The following ROR2 variants were observed in gnomAD, a reference collection of about 807,000 sequenced individuals.
The protein encoded by ROR2 is ROR family WNT receptor 2.
Under a neutral mutation model 74.9 loss-of-function variants are expected in ROR2, and 33 were observed. That is an observed-to-expected ratio of 0.44 (90% CI 0.33 to 0.59). The LOEUF is 0.59. Ranked by LOEUF, ROR2 falls within the 20% of genes least tolerant of loss-of-function variation. ROR2 has a pLI of 0.02. For synonymous variants in ROR2, 586 were observed against 558.7 expected, an observed-to-expected ratio of 1.05 and a Z score of -0.69; for missense variants, 1,216 against 1,313.8, an observed-to-expected ratio of 0.93 and a Z score of 1.15.
chr9:91,825,790 C>T lies in ROR2; in HGVS notation c.98-49972G>A, dbSNP rs535555332. 5.3e-5 allele frequency among the ~76,000 whole-genome samples: 8 copies of T among 152,194 alleles called. No homozygotes were observed. The South Asian group carries it at 1.7e-3, about 32-fold the overall frequency. On this transcript the variant is annotated intron_variant, in intron 1 of 8. Coordinates refer to ENST00000375708, the MANE Select transcript of ROR2 (RefSeq NM_004560.4). ...GTAGGATGGACTGTGGAGGACAAGC[C>T]TCAATTTAGCAAAGCCACAGAAGAA...
chr9:91,847,861 C>T (rs918802519), intron 1 of ROR2, among the ~76,000 whole-genome samples: 61 of 152,020 alleles, frequency 4.0e-4, no homozygotes, highest in African/African-American at 1.4e-3. Flanking sequence ...CAGGAAACAC[C>T]CACGCAGACT....
chr9:91,834,053 C>T (rs562285331), intron 1 of ROR2, among the ~76,000 whole-genome samples: 3 of 152,278 alleles, frequency 2.0e-5, no homozygotes, highest in Admixed American at 6.5e-5. Flanking sequence ...AAGCTCATTC[C>T]GGCTTTTGTT....
At chr9:91,777,395 A>G (rs998583327) in intron 1 of ROR2, among the ~76,000 whole-genome samples, 3 of 150,462 alleles carry the variant, frequency 2.0e-5, no homozygotes, top group Non-Finnish European at 3.0e-5. Flanking sequence ...ACTGCCACAC[A>G]CACACACACA....
In ROR2 at chr9:91,722,630, G is replaced by A. The variant is rs1438300828; in HGVS notation, c.*1032C>T. ...TTGTTTCACTTTATTGGATACACCGGGTGTGGGATTTACAAATAGGACCAA... is the reference window on the plus strand; with the variant it reads ...TTGTTTCACTTTATTGGATACACCGAGTGTGGGATTTACAAATAGGACCAA... On this transcript the variant is annotated 3_prime_UTR_variant, in exon 9 of 9. Coordinates refer to ENST00000375708, the MANE Select transcript of ROR2 (RefSeq NM_004560.4). 1 of 779,848 alleles carries A rather than the reference G, an allele frequency of 1.3e-6. No homozygotes were observed. Among genetic ancestry groups the A allele is most frequent in the Admixed American group, 1.7e-5 (1 of 59,048 alleles). The allele number at this position is 779,848 out of a possible 1,614,324, so 48.3% of individuals were successfully genotyped here. A position where few individuals can be genotyped will look rare whatever the true frequency, so the allele number is the denominator to read the frequency against.
At chr9:91,778,649 G>A (rs1343985606) in intron 1 of ROR2, among the ~76,000 whole-genome samples, 2 of 152,152 alleles carry the variant, frequency 1.3e-5, no homozygotes, top group East Asian at 1.9e-4. Flanking sequence ...TCCTGAATAT[G>A]AGGACACTAC....
At chr9:91,739,406 C>A in intron 4 of ROR2, among the ~76,000 whole-genome samples, 1 of 150,684 alleles carries the variant, frequency 6.6e-6, no homozygotes, top group Non-Finnish European at 1.5e-5. Flanking sequence ...ACTCAGGAGG[C>A]TGAAGTGGGA....
At chr9:91,746,563 CGGTGCCTTCGAATCATCCACTTGGCGAGA>C (rs947324913) in intron 4 of ROR2, among the ~76,000 whole-genome samples, 2 of 152,128 alleles carry the variant, frequency 1.3e-5, no homozygotes, top group African/African-American at 4.8e-5. Flanking sequence ...ACTTGGCGAG[CGGTGCCTTCGAATCATCCACTTGGCGAGA>C]GGTGCCTTCA....
intron 2 of ROR2, among the ~76,000 whole-genome samples, chr9:91,761,294 T>C (rs1293840919): frequency 6.6e-6 from 1 of 152,162 alleles, no homozygotes; most frequent in East Asian, 1.9e-4. Flanking sequence ...GTAGGGGCCT[T>C]GGTTTGGGGA....
intron 1 of ROR2, among the ~76,000 whole-genome samples, chr9:91,908,188 A>C (rs897774666): frequency 6.6e-6 from 1 of 152,192 alleles, no homozygotes; most frequent in Non-Finnish European, 1.5e-5. Flanking sequence ...TCTTGGTCAC[A>C]TGGTGAGTGG....
At chr9:91,794,776 G>C (rs890617354) in intron 1 of ROR2, among the ~76,000 whole-genome samples, 7 of 151,830 alleles carry the variant, frequency 4.6e-5, no homozygotes, top group African/African-American at 1.7e-4. Flanking sequence ...AATTCACCTT[G>C]GAAATTCTGA....
chr9:91,756,328 T>C (rs1282060390), intron 3 of ROR2, among the ~76,000 whole-genome samples: 2 of 152,224 alleles, frequency 1.3e-5, no homozygotes, highest in Non-Finnish European at 2.9e-5. Context: ...GAGTTTTTGC[T>C]GTCCTTACTC....
intron 1 of ROR2, among the ~76,000 whole-genome samples, chr9:91,896,696 G>A (rs1830546237): frequency 6.6e-6 from 1 of 152,026 alleles, no homozygotes; most frequent in Non-Finnish European, 1.5e-5. Context: ...TCACATGTAT[G>A]TTGTAATCCC....
At chr9:91,750,865 T>C (rs973875093) in intron 4 of ROR2, among the ~76,000 whole-genome samples, 6 of 152,232 alleles carry the variant, frequency 3.9e-5, no homozygotes, top group African/African-American at 7.2e-5. Context: ...CAATGGCTTT[T>C]AGAACGACAA....
intron 1 of ROR2, among the ~76,000 whole-genome samples, chr9:91,893,504 C>T (rs2119404476): frequency 6.6e-6 from 1 of 152,248 alleles, no homozygotes; most frequent in Admixed American, 6.5e-5. Context: ...CACACCCCTC[C>T]ACTGGGGGAC....
chr9:91,896,379 T>G (rs957307403), intron 1 of ROR2, among the ~76,000 whole-genome samples: 1 of 152,222 alleles, frequency 6.6e-6, no homozygotes, highest in Admixed American at 6.5e-5. Flanking sequence ...AACACCACTT[T>G]AAAAACAACA....
intron 1 of ROR2, among the ~76,000 whole-genome samples, chr9:91,897,489 G>A (rs1830564152): frequency 6.6e-6 from 1 of 151,984 alleles, no homozygotes; most frequent in Admixed American, 6.6e-5. Context: ...AACCTTCCAT[G>A]GCTTTAGGAA....
At chr9:91,946,843 A>G (rs565126696) in intron 1 of ROR2, among the ~76,000 whole-genome samples, 1 of 152,288 alleles carries the variant, frequency 6.6e-6, no homozygotes, top group East Asian at 1.9e-4. Context: ...TCTAAAGGGG[A>G]TTAATCTTCC....
intron 2 of ROR2, among the ~76,000 whole-genome samples, chr9:91,773,011 T>C (rs1826286755): frequency 6.6e-6 from 1 of 152,182 alleles, no homozygotes; most frequent in Admixed American, 6.5e-5. Context: ...GATAAGCAAA[T>C]GCATCTTCCT....
chr9:91,790,254 C>A (rs1255645269), intron 1 of ROR2, among the ~76,000 whole-genome samples: 2 of 151,840 alleles, frequency 1.3e-5, no homozygotes, highest in Non-Finnish European at 2.9e-5. Context: ...GTAATCCCAG[C>A]ACTTTGGGAG....
Sources: gnomAD v4.1 joint callset for allele counts (sites outside exome capture counted in the v4.1 genomes callset) on GRCh38, gnomAD v4.1.1 for gene constraint, MANE v1.5 for transcripts, NCBI Gene and HGNC (gene_info 2026-07-23, HGNC 2026-07-21) for gene names.